The following LARGE1 variants were observed in gnomAD, a reference collection of about 807,000 sequenced individuals.
LARGE1 encodes LARGE xylosyl- and glucuronyltransferase 1.
A neutral mutation model predicts 87.6 loss-of-function variants in LARGE1; 43 were observed. The observed-to-expected ratio is 0.49, with a 90% CI of 0.38 to 0.63. The LOEUF (loss-of-function observed/expected upper bound fraction) is 0.63. LARGE1 is among the 30% of genes least tolerant of loss of function. The probability of loss-of-function intolerance (pLI) is 0.00; values close to 1 mark genes in which losing one functional copy is unlikely to be tolerated. For synonymous variants in LARGE1, 434 were observed against 394.6 expected, an observed-to-expected ratio of 1.10 and a Z score of -1.18; for missense variants, 802 against 1,000.2, an observed-to-expected ratio of 0.80 and a Z score of 2.67.
At chr22:33,537,578 G>GT (rs1200432402) in intron 6 of LARGE1, among the ~76,000 whole-genome samples, 1 of 151,890 alleles carries the variant, frequency 6.6e-6, no homozygotes, top group African/African-American at 2.4e-5. Context: ...TTGTTTATTT[G>GT]TTTTTTTAAG....
At chr22:33,747,390 CCTT>C (rs2084129397) in intron 2 of LARGE1, among the ~76,000 whole-genome samples, 1 of 152,104 alleles carries the variant, frequency 6.6e-6, no homozygotes, top group South Asian at 2.1e-4. Flanking sequence ...CCAGACTCCT[CCTT>C]GGCATCCTAC....
intron 2 of LARGE1, among the ~76,000 whole-genome samples, chr22:33,722,680 A>C (rs749897214): frequency 3.3e-5 from 5 of 152,172 alleles, no homozygotes; most frequent in African/African-American, 7.2e-5. Context: ...AGGGAAGTAT[A>C]ATGGCAAGAC....
chr22:33,463,253 A>T (rs1338181198), intron 6 of LARGE1, among the ~76,000 whole-genome samples: 1 of 151,802 alleles, frequency 6.6e-6, no homozygotes, highest in East Asian at 1.9e-4. Context: ...TAAAAGAAAA[A>T]CTCTGAAAAT....
At chr22:33,088,135 C>T in the LARGE1 span, among the ~76,000 whole-genome samples, 1 of 151,862 alleles carries the variant, frequency 6.6e-6, no homozygotes, top group South Asian at 2.1e-4. Context: ...AAATTAAGAC[C>T]TAAATATAGT....
intron 2 of LARGE1, chr22:33,657,154 G>A (rs957911092): frequency 6.6e-6 from 1 of 152,246 alleles, no homozygotes; most frequent in African/African-American, 2.4e-5. Flanking sequence ...GACCCTTTCA[G>A]GGGTGACAGA....
intron 9 of LARGE1, among the ~76,000 whole-genome samples, chr22:33,348,322 C>A (rs890666149): frequency 1.6e-5 from 2 of 125,110 alleles, no homozygotes; most frequent in African/African-American, 3.1e-5. Flanking sequence ...ATCAAGAGTG[C>A]TGTTGGGCAG....
chr22:33,076,775 T>C, the LARGE1 span, among the ~76,000 whole-genome samples: 1 of 152,146 alleles, frequency 6.6e-6, no homozygotes, highest in Non-Finnish European at 1.5e-5. Context: ...CTATAGAAAT[T>C]GTAACTTTTT....
chr22:33,782,986 A>G (rs1397931725), intron 1 of LARGE1, among the ~76,000 whole-genome samples: 1 of 151,918 alleles, frequency 6.6e-6, no homozygotes, highest in East Asian at 1.9e-4. Context: ...GTCAGGCCAT[A>G]CACTACAGTG....
the LARGE1 span, among the ~76,000 whole-genome samples, chr22:33,072,020 C>G: frequency 6.6e-6 from 1 of 151,932 alleles, no homozygotes; most frequent in African/African-American, 2.4e-5. Flanking sequence ...CCTTTATAGC[C>G]CAAACCCTGA....
At chr22:33,799,397 T>C (rs988698301) in intron 1 of LARGE1, among the ~76,000 whole-genome samples, 3 of 152,074 alleles carry the variant, frequency 2.0e-5, no homozygotes, top group Non-Finnish European at 4.4e-5. Context: ...AACTAACTCC[T>C]TAACAAAAAG....
At chr22:33,477,856 T>A (rs557149130) in intron 6 of LARGE1, among the ~76,000 whole-genome samples, 3 of 152,216 alleles carry the variant, frequency 2.0e-5, no homozygotes, top group Non-Finnish European at 4.4e-5. Flanking sequence ...AAAGGATCCC[T>A]GACTGTCGCT....
intron 6 of LARGE1, among the ~76,000 whole-genome samples, chr22:33,530,831 C>T (rs868374171): frequency 2.6e-5 from 4 of 152,078 alleles, no homozygotes; most frequent in South Asian, 4.1e-4. Flanking sequence ...CCCTGGACTC[C>T]GATGTAATTA....
At chr22:33,811,889 C>T (rs571200222) in intron 1 of LARGE1, among the ~76,000 whole-genome samples, 1 of 152,170 alleles carries the variant, frequency 6.6e-6, no homozygotes, top group Non-Finnish European at 1.5e-5. Flanking sequence ...GGAGCCCAGC[C>T]CAGAACTGTG....
intron 3 of LARGE1, among the ~76,000 whole-genome samples, chr22:33,643,857 A>G (rs760881511): frequency 3.9e-5 from 6 of 152,160 alleles, no homozygotes; most frequent in Non-Finnish European, 7.3e-5. Context: ...CCAAGACTAA[A>G]CCAGGAAGAA....
At chr22:33,190,316 C>T (rs938779517) in intron 11 of LARGE1, among the ~76,000 whole-genome samples, 2 of 152,106 alleles carry the variant, frequency 1.3e-5, no homozygotes, top group Non-Finnish European at 2.9e-5. Context: ...TTGAATATTT[C>T]CTTCTTCAGA....
chr22:33,387,613 T>C (rs74459567), intron 7 of LARGE1, among the ~76,000 whole-genome samples: 4 of 151,666 alleles, frequency 2.6e-5, no homozygotes, highest in Non-Finnish European at 5.9e-5. Context: ...AGGATAAACC[T>C]ATGAGTCTCT....
intron 1 of LARGE1, among the ~76,000 whole-genome samples, chr22:33,764,966 C>T (rs2084853899): frequency 1.3e-5 from 2 of 152,144 alleles, no homozygotes; most frequent in South Asian, 2.1e-4. Context: ...ATATGAAGGG[C>T]TGACTGTATC....
chr22:33,904,158 G>A (rs879634519), intron 1 of LARGE1, among the ~76,000 whole-genome samples: 5 of 152,088 alleles, frequency 3.3e-5, no homozygotes, highest in Admixed American at 6.6e-5. Flanking sequence ...ATGTGGTGGA[G>A]GTTCTTCCAA....
chr22:33,293,612 G>A (rs1460204228), intron 12 of LARGE1, among the ~76,000 whole-genome samples: 1 of 152,140 alleles, frequency 6.6e-6, no homozygotes, highest in Non-Finnish European at 1.5e-5. Flanking sequence ...GTGGGAGAGT[G>A]GTTAGGAATG....
Sources: gnomAD v4.1 joint callset for allele counts (sites outside exome capture counted in the v4.1 genomes callset) on GRCh38, gnomAD v4.1.1 for gene constraint, MANE v1.5 for transcripts, NCBI Gene and HGNC (gene_info 2026-07-23, HGNC 2026-07-21) for gene names.